The following HSF5 variants were observed in gnomAD, a reference collection of about 807,000 sequenced individuals.
HSF5 encodes heat shock transcription factor 5, also known as heat shock factor protein 5.
In HSF5, 5 loss-of-function variants were observed where a neutral mutation model predicts 50.8. That is an observed-to-expected ratio of 0.10 (90% CI 0.05 to 0.21). The LOEUF (loss-of-function observed/expected upper bound fraction) is 0.21, where lower values mean the gene tolerates loss of function less well. Among genes scored for constraint, HSF5 ranks in the 10% least tolerant of loss-of-function variants. The pLI is 1.00. For missense variants in HSF5, 564 were observed against 762.6 expected, an observed-to-expected ratio of 0.74 and a Z score of 3.07; for synonymous variants, 307 against 307.4, an observed-to-expected ratio of 1.00 and a Z score of 0.02.
Position 58,444,090 on chromosome 17 carries a change from T to C in HSF5, c.1720+14678A>G, listed in dbSNP as rs184539203. Among the ~76,000 whole-genome samples the C allele has an allele frequency of 1.3e-3, 194 of 152,334 alleles. 2 individuals carry two copies. Among genetic ancestry groups the C allele is most frequent in the Non-Finnish European group, 1.9e-4 (13 of 68,024 alleles). The stretch of plus-strand genomic sequence containing the variant: ...TACTGAAAGAAATTAAAGATGACAC[T>C]AATAAGTAGAACACATTCCATGTTC... On this transcript the variant is annotated intron_variant, in intron 5 of 5. Coordinates refer to ENST00000323777, the MANE Select transcript of HSF5 (RefSeq NM_001080439.3).
At chr17:58,466,794 T>C in intron 3 of HSF5, 91 bp downstream of exon 3, 1 of 753,460 alleles carries the variant, frequency 1.3e-6, no homozygotes, top group South Asian at 1.4e-5. Context: ...TTCTGGTTAC[T>C]CATTAATATA....
chr17:58,466,675 C>T (rs1439718966), intron 3 of HSF5, among the ~76,000 whole-genome samples: 2 of 151,572 alleles, frequency 1.3e-5, no homozygotes, highest in African/African-American at 4.9e-5. Context: ...CTAGTGGCTA[C>T]TATATTGAAC....
At position 58,477,268 on chromosome 17, in the gene HSF5, C is replaced by T. The variant is rs544445183; in HGVS notation, c.925+2625G>A. On this transcript the variant is annotated intron_variant, in intron 2 of 5. Coordinates refer to ENST00000323777, the MANE Select transcript of HSF5 (RefSeq NM_001080439.3). ...CCGAGTAGCTGGGATTACAGGCACC[C>T]GCCACCATGCCTGGCTAATTTTTGT... Among the ~76,000 whole-genome samples the T allele has an allele frequency of 5.9e-5, 9 of 151,330 alleles. No individual in the cohort carries two copies. In the South Asian group the frequency reaches 1.9e-3, roughly 32 times the overall value.
In HSF5 at chr17:58,421,304, T is replaced by TA. The variant is rs1218052055; in HGVS notation, c.*1055dup. On this transcript the variant is annotated 3_prime_UTR_variant, in exon 6 of 6. Transcript: ENST00000323777. ...CTTAAACCAGATTGAAACCATTCTTTAAAAATCAGAGGCATAGCTTCTACT... is the reference window on the plus strand; with the variant it reads ...CTTAAACCAGATTGAAACCATTCTTTAAAAAATCAGAGGCATAGCTTCTACT... 1 of 152,658 alleles carries TA rather than the reference T, an allele frequency of 6.6e-6. No individual in the cohort carries two copies. The highest frequency in any genetic ancestry group is 1.5e-5 in the Non-Finnish European group (1 of 68,034). 9.5% of individuals were successfully genotyped at this position (152,658 alleles called of 1,614,324 possible).
intron 5 of HSF5, among the ~76,000 whole-genome samples, chr17:58,454,115 A>G (rs555736292): frequency 6.6e-6 from 1 of 152,216 alleles, no homozygotes; most frequent in South Asian, 2.1e-4. Flanking sequence ...TAGGAAAACC[A>G]GAGACCTTTG....
chr17:58,475,899 A>C (rs184831805), intron 2 of HSF5, among the ~76,000 whole-genome samples: 1 of 152,282 alleles, frequency 6.6e-6, no homozygotes, highest in Admixed American at 6.5e-5. Context: ...GATAAAAATG[A>C]ATTTCGAACA....
Position 58,479,932 on chromosome 17 carries a change from T to A in HSF5, c.886A>T (p.Thr296Ser). ...VSSSQKYSNY[T>S]PSAQYSQAYY... ...GCTTGCGAGTACTGTGCTGAGGGTG[T>A]GTAGTTACTGTATTTTTGGGAGGAG... Residue 296 changes from threonine to serine, a missense_variant, in exon 2 of 6, where the codon ACA becomes TCA. This residue lies in a region of HSF5 where 441 missense variants were observed against 533.6 expected (regional missense o/e 0.83). Coordinates refer to ENST00000323777, the MANE Select transcript of HSF5 (RefSeq NM_001080439.3). 6.2e-7 allele frequency: 1 copy of A among 1,613,978 alleles called. No homozygotes were observed.
At chr17:58,440,772 G>T (rs1974489433) in intron 5 of HSF5, among the ~76,000 whole-genome samples, 1 of 152,108 alleles carries the variant, frequency 6.6e-6, no homozygotes, top group South Asian at 2.1e-4. Flanking sequence ...GTGACCAGAG[G>T]TCTGGAAAAA....
chr17:58,482,310 A>G (rs1975108708), intron 1 of HSF5, among the ~76,000 whole-genome samples: 1 of 152,176 alleles, frequency 6.6e-6, no homozygotes, highest in Admixed American at 6.5e-5. Context: ...TACAAAAAAT[A>G]AAATAGACCC....
At chr17:58,451,882 A>G (rs535512782) in intron 5 of HSF5, among the ~76,000 whole-genome samples, 1 of 151,768 alleles carries the variant, frequency 6.6e-6, no homozygotes, top group East Asian at 1.9e-4. Context: ...AATATAAAAG[A>G]TCACCAAAAC....
In HSF5 at chr17:58,463,138, C is replaced by T. The variant is rs747282970; in HGVS notation, c.1186G>A (p.Val396Ile). 12 of 1,614,178 alleles carry T rather than the reference C, an allele frequency of 7.4e-6. No homozygotes were observed. Among genetic ancestry groups the T allele is most frequent in the East Asian group, 4.5e-5 (2 of 44,888 alleles). Reference sequence around the variant, plus strand: ...GGAGATGTTGGGCACTGATTCTCAACAGGCTCCACCTTTACCATCTCCAAT... The same window carrying T: ...GGAGATGTTGGGCACTGATTCTCAATAGGCTCCACCTTTACCATCTCCAAT... ...PKLEMVKVEPVENQCPTSPSY... is the reference protein window; with the variant it reads ...PKLEMVKVEPIENQCPTSPSY... The change falls in exon 4 of 6, where the codon GTT becomes ATT. Residue 396 changes from valine (V) to isoleucine (I), a missense_variant. Transcript: ENST00000323777.
In HSF5 at chr17:58,422,208, CAATTCTCAATTAACAA is replaced by C; in HGVS notation, c.*136_*151del. On this transcript the variant is annotated 3_prime_UTR_variant, in exon 6 of 6. Coordinates refer to ENST00000323777, the MANE Select transcript of HSF5 (RefSeq NM_001080439.3). Reference sequence around the variant, plus strand: ...AACCACTGTAGTACATACAAATTCCCAATTCTCAATTAACAAAATTCTCAATTAACGAAACAAAAAA... The same window carrying C: ...AACCACTGTAGTACATACAAATTCCCAATTCTCAATTAACGAAACAAAAAA... The C allele has an allele frequency of 1.7e-6, 1 of 605,786 alleles. No homozygotes were observed. Among genetic ancestry groups the C allele is most frequent in the East Asian group, 2.9e-5 (1 of 35,062 alleles). 37.5% of individuals were successfully genotyped at this position (605,786 alleles called of 1,614,324 possible).
chr17:58,422,688 A>C lies in HSF5; in HGVS notation c.1721-258T>G, dbSNP rs554854147. Among the ~76,000 whole-genome samples, 11 of 140,056 alleles carry C rather than the reference A, an allele frequency of 7.9e-5. No individual in the cohort carries two copies. The East Asian group carries it at 1.9e-3, about 24-fold the overall frequency. 91.9% of individuals were successfully genotyped at this position (140,056 alleles called of 152,430 possible). On this transcript the variant is annotated intron_variant, in intron 5 of 5. Transcript: ENST00000323777. ...GTATAGCCAAGACTCTTTTCACCTC[A>C]GTTGCCTTTTTTTTTTTTTTTTTTG...
chr17:58,443,046 T>G (rs1021458889), intron 5 of HSF5, among the ~76,000 whole-genome samples: 8 of 152,118 alleles, frequency 5.3e-5, no homozygotes, highest in African/African-American at 1.9e-4. Context: ...TATCTGGGAC[T>G]ACAGGCGCCC....
intron 2 of HSF5, chr17:58,477,077 G>T: frequency 2.1e-6 from 1 of 482,488 alleles, no homozygotes. Flanking sequence ...CTGCCCTCGC[G>T]GCCTGACGAC....
chr17:58,469,819 G>T (rs1974921157), intron 2 of HSF5, among the ~76,000 whole-genome samples: 1 of 152,086 alleles, frequency 6.6e-6, no homozygotes, highest in African/African-American at 2.4e-5. Flanking sequence ...ATAATTAAAA[G>T]AATTCCATTT....
In HSF5 at chr17:58,458,770, G is replaced by A; in HGVS notation, c.1718C>T (p.Pro573Leu). 1 of 1,609,392 alleles carries A rather than the reference G, an allele frequency of 6.2e-7. No individual in the cohort carries two copies. Among genetic ancestry groups the A allele is most frequent in the East Asian group, 2.2e-5 (1 of 44,830 alleles). ...HRSNSQQGKS[P>L]DLHLLVDVAC... Reference sequence around the variant, plus strand: ...TTCTAGAGCACAATAATCCTTACCAGGGGACTTTCCTTGTTGTGAGTTGCT... The same window carrying A: ...TTCTAGAGCACAATAATCCTTACCAAGGGACTTTCCTTGTTGTGAGTTGCT... The change falls in exon 5 of 6, where the codon CCT becomes CTT. Residue 573 changes from proline (P) to leucine (L), a missense_variant and splice_region_variant. Coordinates refer to ENST00000323777, the MANE Select transcript of HSF5 (RefSeq NM_001080439.3).
intron 5 of HSF5, among the ~76,000 whole-genome samples, chr17:58,454,974 A>G (rs1974689828): frequency 6.6e-6 from 1 of 152,170 alleles, no homozygotes; most frequent in South Asian, 2.1e-4. Context: ...TAGAAAAAAA[A>G]TTCTTAAAAT....
At position 58,468,829 on chromosome 17, in the gene HSF5, C is replaced by CT. The variant is rs543681284; in HGVS notation, c.926-1851dup. 4.0e-3 allele frequency among the ~76,000 whole-genome samples: 613 copies of CT among 151,974 alleles called. 2 individuals carry two copies. The highest frequency in any genetic ancestry group is 6.0e-3 in the Non-Finnish European group (408 of 67,938). On this transcript the variant is annotated intron_variant, in intron 2 of 5. Coordinates refer to ENST00000323777, the MANE Select transcript of HSF5 (RefSeq NM_001080439.3). ...AATATAAAGGTTATTTTTTGGATGA[C>CT]TTTTTTTAACAATTTTGGTGACTTT... is the stretch of plus-strand genomic sequence containing the variant.
Sources: gnomAD v4.1 joint callset for allele counts (sites outside exome capture counted in the v4.1 genomes callset) on GRCh38, gnomAD v4.1.1 for gene constraint, gnomAD v4.1.1 regional missense constraint, MANE v1.5 for transcripts, NCBI Gene and HGNC (gene_info 2026-07-23, HGNC 2026-07-21) for gene names.